The following CHCHD6 variants were observed in gnomAD, a reference collection of about 807,000 sequenced individuals.
CHCHD6 encodes MICOS complex subunit MIC25.
In CHCHD6, 28 loss-of-function variants were observed where a neutral mutation model predicts 32.3. The ratio of observed to expected loss-of-function variants is 0.87; its 90% CI spans 0.64 to 1.19. The LOEUF (loss-of-function observed/expected upper bound fraction) is 1.19, where lower values mean the gene tolerates loss of function less well. Among genes scored for constraint, CHCHD6 ranks in the 50% most tolerant of loss-of-function variants. The pLI is 0.00. For synonymous variants in CHCHD6, 122 were observed against 117.5 expected (o/e 1.04, Z -0.25); for missense variants, 333 against 307.0 (o/e 1.08, Z -0.63).
intron 4 of CHCHD6, among the ~76,000 whole-genome samples, chr3:126,751,172 G>A (rs1205206165): frequency 6.6e-6 from 1 of 151,598 alleles, no homozygotes; most frequent in African/African-American, 2.4e-5. Flanking sequence ...TGGGCCTCTG[G>A]TTGCACTTCT....
rs78420530 is a variant in CHCHD6 at position 126,958,630 on chromosome 3, G to A, written c.702+1079G>A. 3.5e-4 allele frequency among the ~76,000 whole-genome samples: 54 copies of A among 152,294 alleles called. No individual in the cohort carries two copies. The East Asian group carries it at 8.7e-3, about 25-fold the overall frequency. On this transcript the variant is annotated intron_variant, in intron 7 of 7. Coordinates refer to ENST00000290913, the MANE Select transcript of CHCHD6 (RefSeq NM_032343.3). Reference sequence around the variant, plus strand: ...TCCACTCTTTGCTGGTCACAGCCCCGTCCAGCACCGACTGTCCCTTCATGG... The same window carrying A: ...TCCACTCTTTGCTGGTCACAGCCCCATCCAGCACCGACTGTCCCTTCATGG...
At chr3:126,926,733 G>A (rs1365519365) in intron 6 of CHCHD6, among the ~76,000 whole-genome samples, 3 of 152,180 alleles carry the variant, frequency 2.0e-5, no homozygotes. Flanking sequence ...GCAGTGGCAA[G>A]TCATAAAAAA....
chr3:126,790,325 A>G (rs1480930432), intron 4 of CHCHD6, among the ~76,000 whole-genome samples: 1 of 152,070 alleles, frequency 6.6e-6, no homozygotes, highest in Non-Finnish European at 1.5e-5. Context: ...CTCGAGGAGT[A>G]TCTTTGTGGT....
chr3:126,731,958 A>G (rs1206336813), intron 3 of CHCHD6, among the ~76,000 whole-genome samples: 1 of 151,766 alleles, frequency 6.6e-6, no homozygotes, highest in Non-Finnish European at 1.5e-5. Flanking sequence ...ACATGCCTGT[A>G]GTCCCAGCTG....
chr3:126,958,417 G>C (rs1397217077), intron 7 of CHCHD6, among the ~76,000 whole-genome samples: 1 of 152,230 alleles, frequency 6.6e-6, no homozygotes. Context: ...AGCCTCTTTG[G>C]CCTGAGTAGG....
chr3:126,894,576 CCT>C (rs1368125822), intron 5 of CHCHD6, among the ~76,000 whole-genome samples: 1 of 152,186 alleles, frequency 6.6e-6, no homozygotes, highest in East Asian at 1.9e-4. Context: ...CCCATTTCTT[CCT>C]CTGTGTGTGC....
At chr3:126,880,324 A>G (rs1432665831) in intron 5 of CHCHD6, among the ~76,000 whole-genome samples, 2 of 152,112 alleles carry the variant, frequency 1.3e-5, no homozygotes, top group Non-Finnish European at 2.9e-5. Flanking sequence ...GGGCAGCAGG[A>G]CCGGCAGCTG....
intron 7 of CHCHD6, 68 bp downstream of exon 7, chr3:126,957,619 A>G: frequency 1.3e-6 from 2 of 1,509,820 alleles, no homozygotes; most frequent in Non-Finnish European, 1.8e-6. Flanking sequence ...TCTATCTAGC[A>G]TTGGAGATCT....
intron 5 of CHCHD6, among the ~76,000 whole-genome samples, chr3:126,872,720 G>A (rs1440219429): frequency 6.6e-6 from 1 of 152,172 alleles, no homozygotes; most frequent in Admixed American, 6.5e-5. Context: ...CCTGCACCTT[G>A]CTTCCCTGGA....
At chr3:126,726,853 C>T (rs927041490) in intron 1 of CHCHD6, among the ~76,000 whole-genome samples, 1 of 152,142 alleles carries the variant, frequency 6.6e-6, no homozygotes, top group Non-Finnish European at 1.5e-5. Flanking sequence ...GCCGCAAAGC[C>T]AGCAGGGGAC....
intron 6 of CHCHD6, chr3:126,953,015 A>G: frequency 1.0e-6 from 1 of 985,374 alleles, no homozygotes; most frequent in Middle Eastern, 5.2e-4. Context: ...AATGCCAATG[A>G]TTCCTTCAGG....
At chr3:126,936,617 G>T (rs1482778314) in intron 6 of CHCHD6, among the ~76,000 whole-genome samples, 1 of 152,118 alleles carries the variant, frequency 6.6e-6, no homozygotes, top group Non-Finnish European at 1.5e-5. Context: ...GTGCAGTGGT[G>T]CAATCTCAGC....
chr3:126,729,834 G>A (rs182756712), intron 2 of CHCHD6, among the ~76,000 whole-genome samples: 1 of 152,316 alleles, frequency 6.6e-6, no homozygotes, highest in East Asian at 1.9e-4. Context: ...GGTGGAGGGA[G>A]GTGTGGGACA....
intron 5 of CHCHD6, among the ~76,000 whole-genome samples, chr3:126,900,587 G>A (rs1217566367): frequency 1.3e-5 from 2 of 149,578 alleles, no homozygotes; most frequent in Non-Finnish European, 2.9e-5. Context: ...AGAGAAGGAC[G>A]GGAGGTGTGA....
At chr3:126,718,529 T>A (rs1248256538) in intron 1 of CHCHD6, among the ~76,000 whole-genome samples, 1 of 152,218 alleles carries the variant, frequency 6.6e-6, no homozygotes, top group African/African-American at 2.4e-5. Context: ...CTGGTCTGAC[T>A]GCAAAGCACT....
intron 1 of CHCHD6, among the ~76,000 whole-genome samples, chr3:126,714,390 C>G (rs932677527): frequency 2.6e-5 from 4 of 152,142 alleles, no homozygotes; most frequent in Admixed American, 1.3e-4. Flanking sequence ...TCTTCTTGTT[C>G]TGCCTTTCTG....
chr3:126,913,918 C>T (rs1201845446), intron 5 of CHCHD6, among the ~76,000 whole-genome samples: 1 of 152,224 alleles, frequency 6.6e-6, no homozygotes, highest in Non-Finnish European at 1.5e-5. Flanking sequence ...GTGGTGGCAT[C>T]AGGGCTTAGA....
chr3:126,863,743 ACCT>A (rs1424540044), intron 5 of CHCHD6, among the ~76,000 whole-genome samples: 1 of 128,144 alleles, frequency 7.8e-6, no homozygotes, highest in Non-Finnish European at 1.7e-5. Flanking sequence ...CTCCATCACC[ACCT>A]CCTCTTCCAC....
chr3:126,818,358 T>C (rs1559862497), intron 4 of CHCHD6, among the ~76,000 whole-genome samples: 1 of 152,220 alleles, frequency 6.6e-6, no homozygotes, highest in Non-Finnish European at 1.5e-5. Context: ...TGTAAACTCC[T>C]GCAGAGTTGT....
Sources: allele counts gnomAD v4.1 joint callset (sites outside exome capture counted in the v4.1 genomes callset), GRCh38; gene constraint gnomAD v4.1.1; transcripts MANE v1.5; gene names NCBI Gene and HGNC (gene_info 2026-07-23, HGNC 2026-07-21).